UNC13D: variants seen among roughly 807,000 people sequenced by gnomAD.
UNC13D encodes the protein unc-13 homolog D, also known as protein unc-13 homolog D.
Under a neutral mutation model 151.7 loss-of-function variants are expected in UNC13D, and 115 were observed. That is an observed-to-expected ratio of 0.76 (90% confidence interval 0.65 to 0.88). The LOEUF (loss-of-function observed/expected upper bound fraction) is 0.88, where lower values mean the gene tolerates loss of function less well. Among genes scored for constraint, UNC13D ranks in the 40% least tolerant of loss-of-function variants. The pLI is 0.00. For synonymous variants in UNC13D, 588 were observed against 612.2 expected (o/e 0.96, Z 0.58); for missense variants, 1,369 against 1,438.7 (o/e 0.95, Z 0.78).
chr17:75,827,876 G>A lies in UNC13D; in HGVS notation c.*89C>T, dbSNP rs146582545. On this transcript the variant is annotated 3_prime_UTR_variant, in exon 32 of 32. Coordinates refer to ENST00000207549, the MANE Select transcript of UNC13D (RefSeq NM_199242.3). ...CCCAAGTGTTAGGCCAGGCTGGAGG[G>A]CCGCGATGTGGCGGGGAAGCCCCAG... The A allele has an allele frequency of 3.6e-5, 56 of 1,565,738 alleles. No homozygotes were observed. The African/African-American group carries it at 6.6e-4, about 19-fold the overall frequency.
rs113380644 is a variant in UNC13D at position 75,830,228 on chromosome 17, C to T, written c.2831-77G>A. 1.8e-4 allele frequency: 275 copies of T among 1,557,510 alleles called. 6 individuals are homozygous for T. In the African/African-American group the frequency reaches 2.7e-3, roughly 15 times the overall value. On this transcript the variant is annotated intron_variant, in intron 29 of 31. Coordinates refer to ENST00000207549, the MANE Select transcript of UNC13D (RefSeq NM_199242.3). ...ACCCCAGCAGCTATGCTCTGCTCAG[C>T]GGCACTGACCCCTCCTGGTAACTGG...
rs765750212 is a variant in UNC13D, at chr17:75,836,304, G to A, written c.1389+35C>T. The A allele has an allele frequency of 6.8e-6, 11 of 1,613,230 alleles. No individual in the cohort carries two copies. In the African/African-American group the frequency reaches 9.3e-5, roughly 14 times the overall value. On this transcript the variant is annotated intron_variant, in intron 15 of 31. Coordinates refer to ENST00000207549, the MANE Select transcript of UNC13D (RefSeq NM_199242.3). ...CAGGGAGGGACTGCCAGGCCCAGGC[G>A]CTGGTCTCCCCCATCCCCAGCGCGA...
chr17:75,839,697 C>A, intron 12 of UNC13D, 142 bp downstream of exon 12: 1 of 894,414 alleles, frequency 1.1e-6, no homozygotes, highest in Non-Finnish European at 1.8e-6. Context: ...TTAAAATTGG[C>A]AACTGATTCA....
rs1366508147 is a variant in UNC13D at position 75,839,702 on chromosome 17, G to A, written c.1055+137C>T. The A allele has an allele frequency of 1.5e-5, 14 of 953,292 alleles. No homozygotes were observed. The South Asian group carries it at 1.5e-4, about 10-fold the overall frequency. 59.1% of individuals were successfully genotyped at this position (953,292 alleles called of 1,614,324 possible). A position where few individuals can be genotyped will look rare whatever the true frequency, so the allele number is the denominator to read the frequency against. On this transcript the variant is annotated intron_variant, in intron 12 of 31. Coordinates refer to ENST00000207549, the MANE Select transcript of UNC13D (RefSeq NM_199242.3). ...TCTAGACTTTTTAAAATTGGCAACT[G>A]ATTCAAAACTTAAAACACACATTTT...
intron 20 of UNC13D, 61 bp downstream of exon 20, chr17:75,835,348 G>A: frequency 6.3e-7 from 1 of 1,589,436 alleles, no homozygotes; most frequent in Non-Finnish European, 8.6e-7. Context: ...GGAGGTCCAG[G>A]CAGAACCCAA....
rs192699738 is a variant in UNC13D, at chr17:75,843,980, C to T, written c.117+241G>A. ...GAGTAGGGGATGGGGTCAGGCCAAC[C>T]GGGAGGGAGGGGTTCTGAGAGCCTC... is the stretch of plus-strand genomic sequence containing the variant. On this transcript the variant is annotated intron_variant, in intron 1 of 31. Coordinates refer to ENST00000207549, the MANE Select transcript of UNC13D (RefSeq NM_199242.3). 4.4e-4 allele frequency: 614 copies of T among 1,411,322 alleles called. 4 individuals carry two copies. In the African/African-American group the frequency reaches 7.9e-3, roughly 18 times the overall value. The allele number at this position is 1,411,322 out of a possible 1,614,324, so 87.4% of individuals were successfully genotyped here.
At chr17:75,835,143 T>A in intron 20 of UNC13D, 80 bp from the exon 21 acceptor site, 1 of 1,581,126 alleles carries the variant, frequency 6.3e-7, no homozygotes, top group Non-Finnish European at 8.6e-7. Context: ...GCAGCTACCA[T>A]CACCAGGCAC....
chr17:75,830,751 CAT>C, intron 27 of UNC13D, 90 bp from the exon 28 acceptor site: 1 of 1,449,298 alleles, frequency 6.9e-7, no homozygotes, highest in Non-Finnish European at 9.5e-7. Context: ...TCAAGGGTAA[CAT>C]GTCCGTTTGA....
chr17:75,839,797 G>A (rs774505257), intron 12 of UNC13D, 42 bp downstream of exon 12: 4 of 1,603,888 alleles, frequency 2.5e-6, no homozygotes, highest in Non-Finnish European at 3.4e-6. Flanking sequence ...GGGGCGTGGG[G>A]GGCTGGTGGC....
chr17:75,827,962 C>CG lies in UNC13D; in HGVS notation c.*2dup, dbSNP rs1567815515. The stretch of plus-strand genomic sequence containing the variant: ...GACCCAGCCCCACCGCAAACCTCTA[C>CG]GGCTACGGTGCCGGCCGCAAGGCAT... On this transcript the variant is annotated 3_prime_UTR_variant, in exon 32 of 32. Transcript: ENST00000207549. The CG allele has an allele frequency of 6.2e-7, 1 of 1,608,404 alleles. No individual in the cohort carries two copies.
In UNC13D at chr17:75,842,622, G is replaced by C. The variant is rs946234751; in HGVS notation, c.389-9C>G. On this transcript the variant is annotated splice_polypyrimidine_tract_variant and intron_variant, in intron 5 of 31. Transcript: ENST00000207549. ...GTAGGGGTCGCTGAACCCTGTGGAGGAGTGGGGAAGACGAGGCAGCCAGGG... is the reference window on the plus strand; with the variant it reads ...GTAGGGGTCGCTGAACCCTGTGGAGCAGTGGGGAAGACGAGGCAGCCAGGG... The C allele has an allele frequency of 6.2e-7, 1 of 1,611,176 alleles. No homozygotes were observed.
At chr17:75,839,018 T>G (rs1001318299) in intron 12 of UNC13D, among the ~76,000 whole-genome samples, 1 of 151,652 alleles carries the variant, frequency 6.6e-6, no homozygotes, top group Admixed American at 6.6e-5. Flanking sequence ...GAGAATGGCG[T>G]GAACCCAGGA....
In UNC13D at chr17:75,836,113, C is replaced by T. The variant is rs757842368; in HGVS notation, c.1447-4G>A. 10 of 1,613,220 alleles carry T rather than the reference C, an allele frequency of 6.2e-6. No homozygotes were observed. Among genetic ancestry groups the T allele is most frequent in the Non-Finnish European group, 8.5e-6 (10 of 1,180,024 alleles). ...CCTTGCCTGCCTCCGGGATGCCCTG[C>T]AGAGACAGAGGTGGGCTGGGCAGGG... is the stretch of plus-strand genomic sequence containing the variant. On this transcript the variant is annotated splice_region_variant and splice_polypyrimidine_tract_variant and intron_variant, in intron 16 of 31. Coordinates refer to ENST00000207549, the MANE Select transcript of UNC13D (RefSeq NM_199242.3).
chr17:75,834,445 C>A lies in UNC13D; in HGVS notation c.2178G>T (p.Gln726His). Residue 726 changes from glutamine (Q) to histidine (H), a missense_variant, in exon 23 of 32, where the codon CAG becomes CAT. Transcript: ENST00000207549. ...PAQLAWEALE[Q>H]RVGAVLEQGQ... ...CCTGCTCCAGCACGGCCCCTACCCG[C>A]TGCTCCAGGGCCTCCCATGCCAGCT... 6.4e-7 allele frequency: 1 copy of A among 1,565,648 alleles called. No individual in the cohort carries two copies. Among genetic ancestry groups the A allele is most frequent in the Non-Finnish European group, 8.6e-7 (1 of 1,159,662 alleles).
intron 12 of UNC13D, 130 bp from the exon 13 acceptor site, chr17:75,837,048 C>T: frequency 2.0e-6 from 1 of 512,432 alleles, no homozygotes; most frequent in Non-Finnish European, 3.1e-6. Context: ...CTCAACAGGA[C>T]ATGCAGGATT....
Position 75,840,218 on chromosome 17 carries a change from G to A in UNC13D, c.858+7C>T, listed in dbSNP as rs760833979. On this transcript the variant is annotated splice_region_variant and intron_variant, in intron 10 of 31. Transcript: ENST00000207549. This position sits in a 1 kb window ranked among gnomAD's most constrained non-coding sequence, Gnocchi z 4.6. ...GGGCATGGCCACTGGCCCAGTACCC[G>A]ACCTACCCGCTTATGGATGAGTTGG... is the stretch of plus-strand genomic sequence containing the variant. The A allele has an allele frequency of 1.8e-5, 29 of 1,613,722 alleles. No homozygotes were observed. The highest frequency in any genetic ancestry group is 4.5e-5 in the East Asian group (2 of 44,886).
At position 75,832,902 on chromosome 17, in the gene UNC13D, AG is replaced by A; in HGVS notation, c.2447+63del. On this transcript the variant is annotated intron_variant, in intron 25 of 31. Transcript: ENST00000207549. The surrounding 1 kb of genome is among the most constrained non-coding windows in gnomAD (Gnocchi z 4.3). ...TCAGAACGGATGCTGGGGCCCAGGA[AG>A]GAGGGGCCGTGGGAGGAGAGGGGGA... 1 of 1,462,704 alleles carries A rather than the reference AG, an allele frequency of 6.8e-7. No individual in the cohort carries two copies. The highest frequency in any genetic ancestry group is 2.5e-5 in the East Asian group (1 of 39,880). 90.6% of individuals were successfully genotyped at this position (1,462,704 alleles called of 1,614,324 possible). A position where few individuals can be genotyped will look rare whatever the true frequency, so the allele number is the denominator to read the frequency against.
chr17:75,833,993 C>T lies in UNC13D; in HGVS notation c.2367+82G>A. 6.4e-7 allele frequency: 1 copy of T among 1,567,014 alleles called. No individual in the cohort carries two copies. The highest frequency in any genetic ancestry group is 8.8e-7 in the Non-Finnish European group (1 of 1,140,578). On this transcript the variant is annotated intron_variant, in intron 24 of 31. Transcript: ENST00000207549. The surrounding 1 kb of genome is among the most constrained non-coding windows in gnomAD (Gnocchi z 4.0). ...GCTTTGCCTGGTCTGGGGGACTTATCTTTGACACCAAGGCCTTCAATGACC... is the reference window on the plus strand; with the variant it reads ...GCTTTGCCTGGTCTGGGGGACTTATTTTTGACACCAAGGCCTTCAATGACC...
chr17:75,828,225 G>A lies in UNC13D; in HGVS notation c.3152-139C>T, dbSNP rs796312589. On this transcript the variant is annotated intron_variant, in intron 31 of 31. Coordinates refer to ENST00000207549, the MANE Select transcript of UNC13D (RefSeq NM_199242.3). ...GGAAGGAAACAAGTGACAGACCCGC[G>A]CCAGCCCAGCCCAGGAGGTGGTCTG... The A allele has an allele frequency of 1.8e-5, 24 of 1,319,436 alleles. No homozygotes were observed. The African/African-American group carries it at 2.7e-4, about 15-fold the overall frequency. 81.7% of individuals were successfully genotyped at this position (1,319,436 alleles called of 1,614,324 possible). A position where few individuals can be genotyped will look rare whatever the true frequency, so the allele number is the denominator to read the frequency against.
Sources: allele counts gnomAD v4.1 joint callset (sites outside exome capture counted in the v4.1 genomes callset), GRCh38; gene constraint gnomAD v4.1.1; non-coding constraint Gnocchi (gnomAD v3.1); transcripts MANE v1.5; gene names NCBI Gene and HGNC (gene_info 2026-07-23, HGNC 2026-07-21).